Variants in GNA11 observed in about 807,000 individuals in gnomAD.
GNA11 encodes the protein guanine nucleotide-binding protein subunit alpha-11.
In GNA11, 8 loss-of-function variants were observed where a neutral mutation model predicts 38.2. The observed-to-expected ratio is 0.21, with a 90% CI of 0.12 to 0.38. The LOEUF (loss-of-function observed/expected upper bound fraction) is 0.38, where lower values mean the gene tolerates loss of function less well. Among genes scored for constraint, GNA11 ranks in the 10% least tolerant of loss-of-function variants. The pLI is 1.00. For missense variants in GNA11, 268 were observed against 516.3 expected, an observed-to-expected ratio of 0.52 and a Z score of 4.66; for synonymous variants, 211 against 221.4, an observed-to-expected ratio of 0.95 and a Z score of 0.42.
In GNA11 at chr19:3,122,791, G is replaced by T. The variant is rs1273789726; in HGVS notation, c.*1612G>T. 1.3e-5 allele frequency: 3 copies of T among 233,788 alleles called. No homozygotes were observed. In the Admixed American group the frequency reaches 1.7e-4, roughly 13 times the overall value. 14.5% of individuals were successfully genotyped at this position (233,788 alleles called of 1,614,324 possible). On this transcript the variant is annotated 3_prime_UTR_variant, in exon 7 of 7. Transcript: ENST00000078429. This position sits in a 1 kb window ranked among gnomAD's most constrained non-coding sequence, Gnocchi z 7.7. ...AGTTCCCGCCTGCCTGCCCGCCACT[G>T]TCAGGCCTGCCCTGGCCTCCTCGTC... is the stretch of plus-strand genomic sequence containing the variant.
intron 4 of GNA11, 80 bp from the exon 5 acceptor site, chr19:3,118,844 C>A: frequency 7.5e-7 from 1 of 1,335,638 alleles, no homozygotes; most frequent in Non-Finnish European, 1.1e-6. Flanking sequence ...GCAGGAGGGG[C>A]TTGGGTGGGA....
intron 2 of GNA11, among the ~76,000 whole-genome samples, chr19:3,111,677 T>A (rs1264563234): frequency 1.3e-5 from 2 of 152,246 alleles, no homozygotes; most frequent in Admixed American, 1.3e-4. Flanking sequence ...AGTTGCATGC[T>A]ACGCCTGGGA....
At chr19:3,107,211 G>A (rs1449037750) in intron 1 of GNA11, among the ~76,000 whole-genome samples, 2 of 152,204 alleles carry the variant, frequency 1.3e-5, no homozygotes, top group Admixed American at 6.5e-5. Context: ...ACTCCAGCCT[G>A]GGCAACAGAG....
rs1218519906 is a variant in GNA11 at position 3,113,230 on chromosome 19, G to A, written c.322-100G>A. ...CTGACTGCACAGCCTGCGGAATGCC[G>A]CCCGGGCCAGCCGAGGCCTGGAAGA... On this transcript the variant is annotated intron_variant, in intron 2 of 6. Coordinates refer to ENST00000078429, the MANE Select transcript of GNA11 (RefSeq NM_002067.5). 3.2e-5 allele frequency: 38 copies of A among 1,176,152 alleles called. 1 individual carries two copies. The highest frequency in any genetic ancestry group is 3.1e-4 in the South Asian group (24 of 78,522). The allele number at this position is 1,176,152 out of a possible 1,614,324, so 72.9% of individuals were successfully genotyped here.
At chr19:3,101,053 G>T (rs964903008) in intron 1 of GNA11, among the ~76,000 whole-genome samples, 1 of 152,164 alleles carries the variant, frequency 6.6e-6, no homozygotes, top group African/African-American at 2.4e-5. Context: ...TCTGACCTCG[G>T]AGTTGGTGTT....
chr19:3,116,495 G>A (rs907260274), intron 4 of GNA11, among the ~76,000 whole-genome samples: 2 of 151,316 alleles, frequency 1.3e-5, no homozygotes, highest in African/African-American at 2.4e-5. Flanking sequence ...GCTTGTGGCC[G>A]GGTTGCCTCA....
Position 3,119,495 on chromosome 19 carries a change from G to A in GNA11, c.889+136G>A. On this transcript the variant is annotated intron_variant, in intron 6 of 6. Coordinates refer to ENST00000078429, the MANE Select transcript of GNA11 (RefSeq NM_002067.5). This position sits in a 1 kb window ranked among gnomAD's most constrained non-coding sequence, Gnocchi z 4.6. ...CTGATGGGAGGTGTCATGTATGGGA[G>A]TGGAGTCTCAGGGAAGGGAGATCTC... The A allele has an allele frequency of 1.4e-6, 1 of 731,696 alleles. No homozygotes were observed. Among genetic ancestry groups the A allele is most frequent in the Non-Finnish European group, 2.2e-6 (1 of 449,654 alleles). The allele number at this position is 731,696 out of a possible 1,614,324, so 45.3% of individuals were successfully genotyped here.
At chr19:3,107,819 C>G (rs1180125344) in intron 1 of GNA11, among the ~76,000 whole-genome samples, 2 of 152,108 alleles carry the variant, frequency 1.3e-5, no homozygotes, top group Non-Finnish European at 2.9e-5. Context: ...GCCGAGGATC[C>G]CTGGCCTCAG....
intron 1 of GNA11, among the ~76,000 whole-genome samples, chr19:3,106,497 C>T (rs1913642508): frequency 6.6e-6 from 1 of 152,240 alleles, no homozygotes; most frequent in African/African-American, 2.4e-5. Context: ...TCAGGGCCAC[C>T]AGAGGCCCGG....
Position 3,121,002 on chromosome 19 carries a change from C to T in GNA11, c.903C>T (p.Asp301=), listed in dbSNP as rs539753774. 47 of 1,612,902 alleles carry T rather than the reference C, an allele frequency of 2.9e-5. No homozygotes were observed. Among genetic ancestry groups the T allele is most frequent in the Middle Eastern group, 1.7e-4 (1 of 6,052 alleles). Residue 301 remains aspartate (D), a synonymous_variant, in exon 7 of 7, where the codon GAC becomes GAT. Transcript: ENST00000078429. ...YFPEFDGPQR[D]AQAAREFILK... Reference sequence around the variant, plus strand: ...GCCCTCCCCCAGGTCCCCAGCGGGACGCCCAGGCGGCGCGGGAGTTCATCC... The same window carrying T: ...GCCCTCCCCCAGGTCCCCAGCGGGATGCCCAGGCGGCGCGGGAGTTCATCC...
intron 3 of GNA11, 89 bp downstream of exon 3, chr19:3,113,573 G>C: frequency 9.9e-7 from 1 of 1,011,172 alleles, no homozygotes. Flanking sequence ...CGGCGTCTGT[G>C]GTGCCCCCTG....
At chr19:3,096,394 GT>G (rs1363007528) in intron 1 of GNA11, among the ~76,000 whole-genome samples, 1 of 152,168 alleles carries the variant, frequency 6.6e-6, no homozygotes, top group Non-Finnish European at 1.5e-5. Context: ...GTAGTGGGTC[GT>G]GGACTTTGTT....
chr19:3,101,352 G>C (rs555895555), intron 1 of GNA11, among the ~76,000 whole-genome samples: 1 of 152,222 alleles, frequency 6.6e-6, no homozygotes, highest in East Asian at 1.9e-4. Flanking sequence ...TGGGATGAGT[G>C]CAGCCCCCAC....
chr19:3,100,075 G>A (rs1373350690), intron 1 of GNA11, among the ~76,000 whole-genome samples: 3 of 152,244 alleles, frequency 2.0e-5, no homozygotes, highest in African/African-American at 7.2e-5. Flanking sequence ...GGCGTGTGTG[G>A]CACACATTGG....
Position 3,110,648 on chromosome 19 carries a change from TCG to T in GNA11, c.321+317_321+318del, listed in dbSNP as rs895899113. On this transcript the variant is annotated intron_variant, in intron 2 of 6. Coordinates refer to ENST00000078429, the MANE Select transcript of GNA11 (RefSeq NM_002067.5). The surrounding 1 kb of genome is among the most constrained non-coding windows in gnomAD (Gnocchi z 5.4). ...GCTGAGGCCCTGTGAGGTGAGCCAC[TCG>T]CCCAGGTCGCCTTGGGAGTAAGCAG... Among the ~76,000 whole-genome samples the T allele has an allele frequency of 2.8e-4, 43 of 152,298 alleles. No individual in the cohort carries two copies. Among genetic ancestry groups the T allele is most frequent in the African/African-American group, 9.9e-4 (41 of 41,556 alleles).
rs560871539 is a variant in GNA11, at chr19:3,116,078, G to A, written c.605+1006G>A. On this transcript the variant is annotated intron_variant, in intron 4 of 6. Coordinates refer to ENST00000078429, the MANE Select transcript of GNA11 (RefSeq NM_002067.5). ...TCTGTTCTTCACGGGCTGCCCCTGC[G>A]GATCCTGCTGGGCCTCCGGGGCTCC... Among the ~76,000 whole-genome samples the A allele has an allele frequency of 4.6e-5, 7 of 152,118 alleles. No homozygotes were observed. The East Asian group carries it at 5.8e-4, about 13-fold the overall frequency.
Position 3,119,049 on chromosome 19 carries a change from A to G in GNA11, c.731A>G (p.Asn244Ser), listed in dbSNP as rs2145326428. Reference protein sequence around the residue: ...EYDQVLVESDNENRMEESKAL... With the variant: ...EYDQVLVESDSENRMEESKAL... ...GACCAAGTCCTGGTGGAGTCGGACA[A>G]CGAGGTGGGCCCTGCCCTGAGCAGG... Residue 244 changes from asparagine (N) to serine (S), a missense_variant, in exon 5 of 7, where the codon AAC becomes AGC. By Grantham distance (46) the Asn-to-Ser change is conservative. Transcript: ENST00000078429. This position sits in a 1 kb window ranked among gnomAD's most constrained non-coding sequence, Gnocchi z 4.6. The G allele has an allele frequency of 6.2e-7, 1 of 1,613,758 alleles. No individual in the cohort carries two copies. The highest frequency in any genetic ancestry group is 8.5e-7 in the Non-Finnish European group (1 of 1,179,926).
At chr19:3,116,489 G>T (rs1012995492) in intron 4 of GNA11, among the ~76,000 whole-genome samples, 1 of 150,326 alleles carries the variant, frequency 6.7e-6, no homozygotes, top group Non-Finnish European at 1.5e-5. Flanking sequence ...TCCTTGGCTT[G>T]TGGCCGGGTT....
intron 1 of GNA11, among the ~76,000 whole-genome samples, chr19:3,096,631 C>T (rs1913374512): frequency 6.6e-6 from 1 of 152,180 alleles, no homozygotes; most frequent in African/African-American, 2.4e-5. Context: ...TGATGCGGCC[C>T]TTCCCGCATC....
Sources: allele counts gnomAD v4.1 joint callset (sites outside exome capture counted in the v4.1 genomes callset), GRCh38; gene constraint gnomAD v4.1.1; non-coding constraint Gnocchi (gnomAD v3.1); transcripts MANE v1.5; gene names NCBI Gene and HGNC (gene_info 2026-07-23, HGNC 2026-07-21).